BBS9: variants seen among roughly 807,000 people sequenced by gnomAD.
The protein encoded by BBS9 is protein PTHB1.
A neutral mutation model predicts 117.7 loss-of-function variants in BBS9; 89 were observed. The observed-to-expected ratio is 0.76, with a 90% CI of 0.64 to 0.90. BBS9 has a LOEUF of 0.90. Among genes scored for constraint, BBS9 ranks in the 40% least tolerant of loss-of-function variants. The pLI is 0.00. For missense variants in BBS9, 982 were observed against 1,042.2 expected (o/e 0.94, Z 0.80); for synonymous variants, 379 against 370.9 (o/e 1.02, Z -0.25).
At chr7:33,622,439 G>A (rs1174333414) in intron 21 of BBS9, among the ~76,000 whole-genome samples, 1 of 152,028 alleles carries the variant, frequency 6.6e-6, no homozygotes, top group Non-Finnish European at 1.5e-5. Flanking sequence ...TGTTAAGTGA[G>A]TAGATCCTAA....
intron 15 of BBS9, among the ~76,000 whole-genome samples, chr7:33,353,551 C>A (rs1819071927): frequency 6.6e-6 from 1 of 152,074 alleles, no homozygotes; most frequent in East Asian, 1.9e-4. Context: ...CTTTGAATTG[C>A]ATACTAACAG....
intron 16 of BBS9, among the ~76,000 whole-genome samples, chr7:33,359,905 A>G (rs1236857809): frequency 6.6e-6 from 1 of 152,154 alleles, no homozygotes; most frequent in Non-Finnish European, 1.5e-5. Context: ...AAAGGAAAAA[A>G]GTGAATGTTA....
intron 21 of BBS9, among the ~76,000 whole-genome samples, chr7:33,629,824 T>C (rs1323766057): frequency 6.6e-6 from 1 of 152,246 alleles, no homozygotes; most frequent in African/African-American, 2.4e-5. Flanking sequence ...ACAATCTTTC[T>C]TAAATGTATC....
intron 9 of BBS9, among the ~76,000 whole-genome samples, chr7:33,325,344 G>A (rs185283416): frequency 6.6e-6 from 1 of 152,092 alleles, no homozygotes; most frequent in Non-Finnish European, 1.5e-5. Context: ...TTATTTCAAT[G>A]TCTTTGTTAA....
intron 21 of BBS9, among the ~76,000 whole-genome samples, chr7:33,602,686 G>A (rs911468164): frequency 6.6e-5 from 10 of 152,184 alleles, no homozygotes; most frequent in East Asian, 5.8e-4. Context: ...CCGAGTTCAC[G>A]CCATTGCACT....
At chr7:33,273,980 T>C (rs767649151) in intron 9 of BBS9, 24 bp downstream of exon 9, 2 of 1,611,988 alleles carry the variant, frequency 1.2e-6, no homozygotes, top group Non-Finnish European at 1.7e-6. Flanking sequence ...TTTAACACAG[T>C]TTTTAAAGAG....
intron 19 of BBS9, among the ~76,000 whole-genome samples, chr7:33,477,391 TG>T (rs1296690023): frequency 1.3e-5 from 2 of 152,212 alleles, no homozygotes; most frequent in African/African-American, 2.4e-5. Context: ...TCCATTTGAA[TG>T]TATCCTCCCC....
intron 5 of BBS9, among the ~76,000 whole-genome samples, chr7:33,246,595 G>C (rs1237332008): frequency 6.6e-6 from 1 of 151,946 alleles, no homozygotes; most frequent in Non-Finnish European, 1.5e-5. Flanking sequence ...ACCTTAGTTT[G>C]AAACTGGTTA....
intron 20 of BBS9, among the ~76,000 whole-genome samples, chr7:33,519,671 T>A (rs1848320814): frequency 6.6e-6 from 1 of 152,202 alleles, no homozygotes; most frequent in African/African-American, 2.4e-5. Context: ...GTTCTGCGAA[T>A]ATGTTAATTA....
At chr7:33,422,639 A>C (rs978728943) in intron 19 of BBS9, among the ~76,000 whole-genome samples, 1 of 152,214 alleles carries the variant, frequency 6.6e-6, no homozygotes, top group African/African-American at 2.4e-5. Context: ...ATAATGTGAT[A>C]ATTTAAGAAT....
intron 21 of BBS9, among the ~76,000 whole-genome samples, chr7:33,620,135 T>C (rs189520221): frequency 5.0e-4 from 76 of 151,930 alleles, no homozygotes; most frequent in African/African-American, 1.8e-3. Context: ...AAATTATAAA[T>C]GGAGGAAGAG....
At chr7:33,380,398 TGGATGTGACA>T (rs1824767619) in intron 17 of BBS9, 1 of 155,890 alleles carries the variant, frequency 6.4e-6, no homozygotes, top group South Asian at 2.0e-4. Context: ...GACAAGGAGG[TGGATGTGACA>T]CTATTGGCAG....
chr7:33,485,069 C>T (rs1434472708), intron 19 of BBS9, among the ~76,000 whole-genome samples: 1 of 152,114 alleles, frequency 6.6e-6, no homozygotes, highest in Non-Finnish European at 1.5e-5. Context: ...CTCATGTTCT[C>T]ACTTATAAGT....
intron 9 of BBS9, among the ~76,000 whole-genome samples, chr7:33,329,826 T>C (rs530550822): frequency 2.5e-4 from 38 of 152,312 alleles, no homozygotes; most frequent in African/African-American, 7.9e-4. Context: ...GTTAATCAAA[T>C]ATACCTTTTT....
intron 21 of BBS9, among the ~76,000 whole-genome samples, chr7:33,552,030 A>G (rs1290295056): frequency 6.6e-6 from 1 of 152,196 alleles, no homozygotes; most frequent in Non-Finnish European, 1.5e-5. Flanking sequence ...AAGCCAAAGC[A>G]ATTCTTGAGA....
intron 9 of BBS9, 92 bp from the exon 10 acceptor site, chr7:33,336,349 G>T: frequency 1.1e-6 from 1 of 873,936 alleles, no homozygotes. Flanking sequence ...TCTTAATGGT[G>T]TGTTGATGCT....
chr7:33,460,650 C>A (rs560574323), intron 19 of BBS9, among the ~76,000 whole-genome samples: 74 of 151,928 alleles, frequency 4.9e-4, no homozygotes, highest in African/African-American at 1.8e-3. Context: ...ATAGAATTGT[C>A]AATGTCTGTA....
At chr7:33,554,409 G>C (rs961311908) in intron 21 of BBS9, among the ~76,000 whole-genome samples, 2 of 152,120 alleles carry the variant, frequency 1.3e-5, no homozygotes. Flanking sequence ...TATGGCAATG[G>C]AGATAGAAGT....
intron 19 of BBS9, among the ~76,000 whole-genome samples, chr7:33,429,972 T>C (rs933305738): frequency 6.6e-6 from 1 of 152,172 alleles, no homozygotes; most frequent in African/African-American, 2.4e-5. Flanking sequence ...TTGTGGCCCA[T>C]GAGGAAAGGG....
Sources: gnomAD v4.1 joint callset for allele counts (sites outside exome capture counted in the v4.1 genomes callset) on GRCh38, gnomAD v4.1.1 for gene constraint, MANE v1.5 for transcripts, NCBI Gene and HGNC (gene_info 2026-07-23, HGNC 2026-07-21) for gene names.